CRBN: variants seen among roughly 807,000 people sequenced by gnomAD.
CRBN encodes cereblon.
CRBN carries 53 observed loss-of-function variants against 62.2 expected under a neutral mutation model. That is an observed-to-expected ratio of 0.85 (90% CI 0.68 to 1.07). The LOEUF (loss-of-function observed/expected upper bound fraction) is 1.07. Among genes scored for constraint, CRBN ranks in the 50% least tolerant of loss-of-function variants. The pLI is 0.00. For missense variants in CRBN, 616 were observed against 531.1 expected (o/e 1.16, Z -1.57); for synonymous variants, 208 against 176.1 (o/e 1.18, Z -1.43).
At position 3,159,079 on chromosome 3, in the gene CRBN, G is replaced by A. The variant is rs186946609; in HGVS notation, c.688-2798C>T. 6.4e-4 allele frequency among the ~76,000 whole-genome samples: 97 copies of A among 152,246 alleles called. 1 individual carries two copies. The highest frequency in any genetic ancestry group is 2.1e-3 in the African/African-American group (89 of 41,556). Reference sequence around the variant, plus strand: ...TGTTTGCTTCCCCTTCTGCCATGATGGTAAGTTTCCTAAGGCTTCCCTAGC... The same window carrying A: ...TGTTTGCTTCCCCTTCTGCCATGATAGTAAGTTTCCTAAGGCTTCCCTAGC... On this transcript the variant is annotated intron_variant, in intron 5 of 10. Coordinates refer to ENST00000231948, the MANE Select transcript of CRBN (RefSeq NM_016302.4).
rs115905569 is a variant in CRBN at position 3,165,149 on chromosome 3, C to T, written c.687+2485G>A. On this transcript the variant is annotated intron_variant, in intron 5 of 10. Coordinates refer to ENST00000231948, the MANE Select transcript of CRBN (RefSeq NM_016302.4). The stretch of plus-strand genomic sequence containing the variant: ...AGATAGGACTGAATTGCTGTGATCT[C>T]ATGATCAAACATGGATTAGGAGTTG... 1.8e-3 allele frequency among the ~76,000 whole-genome samples: 276 copies of T among 152,284 alleles called. 2 individuals carry two copies. Among genetic ancestry groups the T allele is most frequent in the African/African-American group, 6.3e-3 (260 of 41,558 alleles).
chr3:3,174,307 T>A (rs747406424), intron 2 of CRBN, 46 bp from the exon 3 acceptor site: 2 of 1,429,226 alleles, frequency 1.4e-6, no homozygotes, highest in South Asian at 2.3e-5. Flanking sequence ...CGATATGTAA[T>A]AAAAATGTAA....
At chr3:3,154,143 G>C (rs1706769442) in intron 7 of CRBN, 68 bp from the exon 8 acceptor site, 1 of 897,490 alleles carries the variant, frequency 1.1e-6, no homozygotes, top group African/African-American at 1.6e-5. Context: ...TTACAAATCG[G>C]ATAATATCCT....
At chr3:3,169,925 TGCCCACCCCCCCTCC>T (rs1707530551) in intron 4 of CRBN, among the ~76,000 whole-genome samples, 1 of 152,052 alleles carries the variant, frequency 6.6e-6, no homozygotes, top group African/African-American at 2.4e-5. Context: ...GTTCAGAAGA[TGCCCACCCCCCCTCC>T]GCCCTCCCCA....
intron 5 of CRBN, chr3:3,156,661 TG>T: frequency 4.6e-6 from 1 of 216,082 alleles, no homozygotes. Context: ...TAATCCAAAC[TG>T]TTTTTGTGTA....
chr3:3,160,042 T>G (rs574796839), intron 5 of CRBN, among the ~76,000 whole-genome samples: 1 of 152,308 alleles, frequency 6.6e-6, no homozygotes, highest in East Asian at 1.9e-4. Context: ...CAGAGTAGTA[T>G]TCACTCTGGG....
At chr3:3,177,525 T>C (rs963143623) in intron 1 of CRBN, among the ~76,000 whole-genome samples, 1 of 152,230 alleles carries the variant, frequency 6.6e-6, no homozygotes, top group Non-Finnish European at 1.5e-5. Context: ...TCTAAATGGA[T>C]GACAAAAATA....
intron 5 of CRBN, among the ~76,000 whole-genome samples, chr3:3,165,809 AC>A (rs1175974943): frequency 1.3e-5 from 2 of 152,176 alleles, no homozygotes; most frequent in African/African-American, 4.8e-5. Flanking sequence ...GAAATACATC[AC>A]TACGTGAATA....
intron 4 of CRBN, among the ~76,000 whole-genome samples, chr3:3,170,102 C>T (rs367738146): frequency 9.8e-5 from 15 of 152,290 alleles, no homozygotes; most frequent in African/African-American, 3.6e-4. Flanking sequence ...GCCTCAGCCT[C>T]CCGAACAGCT....
chr3:3,152,258 T>C (rs1470870278), intron 10 of CRBN, among the ~76,000 whole-genome samples, 198 bp downstream of exon 10: 3 of 151,858 alleles, frequency 2.0e-5, no homozygotes, highest in African/African-American at 4.8e-5. Context: ...GTTCAAGAGA[T>C]TCTTGTGCCT....
chr3:3,155,214 T>G (rs1181633642), intron 6 of CRBN: 1 of 188,524 alleles, frequency 5.3e-6, no homozygotes, highest in African/African-American at 2.3e-5. Context: ...CATACCTTAC[T>G]TGGCACCTAT....
chr3:3,155,969 G>C, intron 6 of CRBN: 1 of 430,282 alleles, frequency 2.3e-6, no homozygotes, highest in Admixed American at 3.8e-5. Flanking sequence ...ACCAAACCTG[G>C]CTAATTTTTG....
Position 3,174,249 on chromosome 3 carries a change from C to G in CRBN, c.187G>C (p.Asp63His), listed in dbSNP as rs1284446935. ...LPTSHTYLGA[D>H]MEEFHGRTLH... is the part of the protein sequence containing the mutation. ...GTCCTGCCATGAAATTCTTCCATAT[C>G]AGCACCTAGGTACTATATAAAAACA... is the stretch of plus-strand genomic sequence containing the variant. Residue 63 changes from aspartate to histidine, a missense_variant, in exon 3 of 11, where the codon GAT (aspartate) becomes CAT (histidine). Physicochemically the swap from Asp to His is moderately conservative, Grantham distance 81 (BLOSUM62 -1). Coordinates refer to ENST00000231948, the MANE Select transcript of CRBN (RefSeq NM_016302.4). The G allele has an allele frequency of 5.0e-6, 8 of 1,613,350 alleles. No individual in the cohort carries two copies. The highest frequency in any genetic ancestry group is 5.9e-6 in the Non-Finnish European group (7 of 1,179,288).
At chr3:3,158,466 A>T (rs1707003568) in intron 5 of CRBN, among the ~76,000 whole-genome samples, 1 of 152,032 alleles carries the variant, frequency 6.6e-6, no homozygotes, top group Non-Finnish European at 1.5e-5. Flanking sequence ...AGACCATGAG[A>T]CCCTTCAGGT....
intron 7 of CRBN, 46 bp from the exon 8 acceptor site, chr3:3,154,121 G>T: frequency 9.0e-7 from 1 of 1,114,000 alleles, no homozygotes; most frequent in Non-Finnish European, 1.4e-6. Context: ...AGTCAGATAA[G>T]CATCAGAGAA....
In CRBN at chr3:3,172,798, C is replaced by G; in HGVS notation, c.505G>C (p.Glu169Gln). Residue 169 changes from glutamate to glutamine, a missense_variant, in exon 4 of 11, where the codon GAG becomes CAG. Physicochemically the swap from Glu to Gln is conservative, Grantham distance 29. Coordinates refer to ENST00000231948, the MANE Select transcript of CRBN (RefSeq NM_016302.4). ...TACCCATCTGACTGTGTTCTTAGCT[C>G]AAGGACTTTGAACCTTTGTCTTCCA... ...AIGRQRFKVL[E>Q]LRTQSDGIQQ... is the part of the protein sequence containing the mutation. 1.2e-6 allele frequency: 2 copies of G among 1,614,032 alleles called. No individual in the cohort carries two copies. The highest frequency in any genetic ancestry group is 1.7e-6 in the Non-Finnish European group (2 of 1,179,906).
At position 3,154,178 on chromosome 3, in the gene CRBN, G is replaced by C. The variant is rs1387631900; in HGVS notation, c.836-103C>G. 2.4e-5 allele frequency: 18 copies of C among 738,922 alleles called. No homozygotes were observed. The Admixed American group carries it at 3.6e-4, about 15-fold the overall frequency. The allele number at this position is 738,922 out of a possible 1,614,324, so 45.8% of individuals were successfully genotyped here. A position where few individuals can be genotyped will look rare whatever the true frequency, so the allele number is the denominator to read the frequency against. On this transcript the variant is annotated intron_variant, in intron 7 of 10. Transcript: ENST00000231948. Reference sequence around the variant, plus strand: ...TTTTGAAATAAACCCTTCTCTTTAAGGTTACACATTTTATACAAGTATAAA... The same window carrying C: ...TTTTGAAATAAACCCTTCTCTTTAACGTTACACATTTTATACAAGTATAAA...
In CRBN at chr3:3,154,733, C is replaced by CT. The variant is rs1481485019; in HGVS notation, c.835+13dup. The CT allele has an allele frequency of 1.3e-6, 2 of 1,481,852 alleles. No homozygotes were observed. Among genetic ancestry groups the CT allele is most frequent in the East Asian group, 2.3e-5 (1 of 44,272 alleles). 91.8% of individuals were successfully genotyped at this position (1,481,852 alleles called of 1,614,324 possible). A position where few individuals can be genotyped will look rare whatever the true frequency, so the allele number is the denominator to read the frequency against. On this transcript the variant is annotated intron_variant, in intron 7 of 10. Coordinates refer to ENST00000231948, the MANE Select transcript of CRBN (RefSeq NM_016302.4). The stretch of plus-strand genomic sequence containing the variant: ...GACATCCCAGGCTCCAGGCAGGAAA[C>CT]TAACTTTTCATACCTATTGGATTTG...
Position 3,175,111 on chromosome 3 carries a change from T to C in CRBN, c.174+52A>G, listed in dbSNP as rs1308867855. On this transcript the variant is annotated intron_variant, in intron 2 of 10. Coordinates refer to ENST00000231948, the MANE Select transcript of CRBN (RefSeq NM_016302.4). The stretch of plus-strand genomic sequence containing the variant: ...AGTCACTTGTTTTTATGAACTTTTA[T>C]CTACATTTAAATGTATATCTATTAT... 3.3e-6 allele frequency: 4 copies of C among 1,220,564 alleles called. No individual in the cohort carries two copies. The Admixed American group carries it at 6.9e-5, about 21-fold the overall frequency. The allele number at this position is 1,220,564 out of a possible 1,614,324, so 75.6% of individuals were successfully genotyped here.
Sources: gnomAD v4.1 joint callset for allele counts (sites outside exome capture counted in the v4.1 genomes callset) on GRCh38, gnomAD v4.1.1 for gene constraint, MANE v1.5 for transcripts, NCBI Gene and HGNC (gene_info 2026-07-23, HGNC 2026-07-21) for gene names.